WASF3: variants seen among roughly 807,000 people sequenced by gnomAD.
WASF3 encodes WASP family member 3, also known as actin-binding protein WASF3.
Under a neutral mutation model 46.6 loss-of-function variants are expected in WASF3, and 11 were observed. The ratio of observed to expected loss-of-function variants is 0.24; its 90% CI spans 0.15 to 0.39. The LOEUF is 0.39. Ranked by LOEUF, WASF3 falls within the 10% of genes least tolerant of loss-of-function variation. WASF3 has a pLI of 1.00. For synonymous variants in WASF3, 242 were observed against 259.7 expected (o/e 0.93, Z 0.65); for missense variants, 576 against 669.8 (o/e 0.86, Z 1.55).
chr13:26,579,175 GT>G (rs927966539), intron 1 of WASF3, among the ~76,000 whole-genome samples: 3 of 148,984 alleles, frequency 2.0e-5, no homozygotes, highest in South Asian at 2.2e-4. Flanking sequence ...AATTTTTTAA[GT>G]TTTTTTTTAA....
chr13:26,559,811 T>TCTTTCTTTCTTTCTTTCTTTCTTTCTTTC (rs545438991), intron 1 of WASF3, among the ~76,000 whole-genome samples: 1 of 83,212 alleles, frequency 1.2e-5, no homozygotes, highest in Non-Finnish European at 2.3e-5. Flanking sequence ...TTTCTTTCTT[T>TCTTTCTTTCTTTCTTTCTTTCTTTCTTTC]TTTTTTTTTT....
intron 1 of WASF3, among the ~76,000 whole-genome samples, chr13:26,565,166 T>G: frequency 7.6e-6 from 1 of 131,336 alleles, no homozygotes; most frequent in Admixed American, 8.3e-5. Context: ...GGCAAAAGAG[T>G]GAGACTCGGT....
intron 9 of WASF3, among the ~76,000 whole-genome samples, chr13:26,683,270 G>T (rs1354851990): frequency 2.6e-5 from 4 of 152,060 alleles, no homozygotes; most frequent in Non-Finnish European, 5.9e-5. Context: ...CCAGGAGTTT[G>T]AGAGCAGCCT....
chr13:26,670,355 G>C (rs570778546), intron 5 of WASF3, among the ~76,000 whole-genome samples: 1 of 151,966 alleles, frequency 6.6e-6, no homozygotes, highest in South Asian at 2.1e-4. Context: ...GGGGGGTGAG[G>C]GACAAGGGGG....
chr13:26,558,545 C>T (rs1274747188), intron 1 of WASF3, among the ~76,000 whole-genome samples: 2 of 149,658 alleles, frequency 1.3e-5, no homozygotes, highest in East Asian at 4.0e-4. Flanking sequence ...TTAGCGAGGG[C>T]AGAAGCTTCC....
intron 1 of WASF3, among the ~76,000 whole-genome samples, chr13:26,589,105 T>C (rs1008350875): frequency 1.3e-5 from 2 of 152,240 alleles, no homozygotes; most frequent in South Asian, 2.1e-4. Flanking sequence ...TGTATTTCTT[T>C]ATATTGCTTG....
chr13:26,586,421 A>G (rs572274042), intron 1 of WASF3, among the ~76,000 whole-genome samples: 1 of 152,188 alleles, frequency 6.6e-6, no homozygotes, highest in South Asian at 2.1e-4. Flanking sequence ...TTAAAATGTC[A>G]CATCCATCTT....
chr13:26,542,027 A>C, the WASF3 span, among the ~76,000 whole-genome samples: 1 of 152,218 alleles, frequency 6.6e-6, no homozygotes, highest in African/African-American at 2.4e-5. Flanking sequence ...GTACACATTA[A>C]GCACTTGAGC....
intron 1 of WASF3, among the ~76,000 whole-genome samples, chr13:26,562,294 A>G: frequency 6.6e-6 from 1 of 152,204 alleles, no homozygotes; most frequent in East Asian, 1.9e-4. Flanking sequence ...GATGGGGGTC[A>G]TGGTGTCCGA....
chr13:26,542,167 G>A, the WASF3 span, among the ~76,000 whole-genome samples: 1 of 152,350 alleles, frequency 6.6e-6, no homozygotes, highest in South Asian at 2.1e-4. Context: ...CTTCACAGAT[G>A]AAAGATGAAT....
intron 3 of WASF3, among the ~76,000 whole-genome samples, chr13:26,654,741 A>T (rs1258041574): frequency 6.6e-6 from 1 of 152,038 alleles, no homozygotes; most frequent in Admixed American, 6.6e-5. Flanking sequence ...TATCATGAGC[A>T]TGTGTTAGTT....
intron 1 of WASF3, among the ~76,000 whole-genome samples, chr13:26,596,545 T>C (rs1880469231): frequency 6.6e-6 from 1 of 152,220 alleles, no homozygotes; most frequent in Non-Finnish European, 1.5e-5. Context: ...CTCATTTTCC[T>C]CTGGTTGCTT....
In WASF3 at chr13:26,681,133, T is replaced by A; in HGVS notation, c.796T>A (p.Ser266Thr). The A allele has an allele frequency of 1.2e-6, 2 of 1,614,112 alleles. No homozygotes were observed. Among genetic ancestry groups the A allele is most frequent in the Non-Finnish European group, 1.7e-6 (2 of 1,180,010 alleles). ...HSLHPQPVTPSYAAGDVPPHG... is the reference protein window; with the variant it reads ...HSLHPQPVTPTYAAGDVPPHG... ...TCTGCACCCCCAGCCTGTGACCCCT[T>A]CCTATGCAGCTGGTGACGTGCCACC... is the stretch of plus-strand genomic sequence containing the variant. Residue 266 changes from serine to threonine, a missense_variant, in exon 8 of 10, where the codon TCC becomes ACC. By Grantham distance (58) the Ser-to-Thr change is moderately conservative. Coordinates refer to ENST00000335327, the MANE Select transcript of WASF3 (RefSeq NM_006646.6).
chr13:26,671,051 T>G (rs144112777), intron 5 of WASF3, among the ~76,000 whole-genome samples: 2 of 152,304 alleles, frequency 1.3e-5, no homozygotes, highest in African/African-American at 4.8e-5. Flanking sequence ...TGATATGAAG[T>G]AATATAAAAT....
At chr13:26,575,399 G>A (rs1879766637) in intron 1 of WASF3, among the ~76,000 whole-genome samples, 1 of 152,050 alleles carries the variant, frequency 6.6e-6, no homozygotes, top group African/African-American at 2.4e-5. Context: ...TTTGTGACCA[G>A]TCCTTTTGCT....
At chr13:26,548,574 A>G in the WASF3 span, among the ~76,000 whole-genome samples, 13 of 152,326 alleles carry the variant, frequency 8.5e-5, no homozygotes, top group South Asian at 2.1e-4. Context: ...TTTTCCCCAG[A>G]GAGCTGAGCC....
At chr13:26,665,751 C>G (rs1882751770) in intron 4 of WASF3, among the ~76,000 whole-genome samples, 1 of 152,116 alleles carries the variant, frequency 6.6e-6, no homozygotes, top group Non-Finnish European at 1.5e-5. Context: ...TTGTCAGTTT[C>G]AACAAAATTG....
At position 26,667,719 on chromosome 13, in the gene WASF3, TG is replaced by T. The variant is rs776269464; in HGVS notation, c.422+52del. The T allele has an allele frequency of 9.7e-5, 151 of 1,558,670 alleles. No individual in the cohort carries two copies. In the African/African-American group the frequency reaches 1.8e-3, roughly 19 times the overall value. ...CCTCTCCTTGAGATGAGGGGAGAGCTGGGCAGAGCTGGGAGCAAGCTGATGC... is the reference window on the plus strand; with the variant it reads ...CCTCTCCTTGAGATGAGGGGAGAGCTGGCAGAGCTGGGAGCAAGCTGATGC... On this transcript the variant is annotated intron_variant, in intron 5 of 9. Transcript: ENST00000335327.
At position 26,682,989 on chromosome 13, in the gene WASF3, C is replaced by T; in HGVS notation, c.1351+15C>T. ...TATTCGAATGGGTAAGTGGAGCCCC[C>T]AGACACACAGCCTGCCTTTCAGCAA... On this transcript the variant is annotated intron_variant, in intron 9 of 9. Coordinates refer to ENST00000335327, the MANE Select transcript of WASF3 (RefSeq NM_006646.6). This position sits in a 1 kb window ranked among gnomAD's most constrained non-coding sequence, Gnocchi z 4.4. 1 of 1,590,240 alleles carries T rather than the reference C, an allele frequency of 6.3e-7. No individual in the cohort carries two copies. The highest frequency in any genetic ancestry group is 2.2e-5 in the East Asian group (1 of 44,810).
Sources: allele counts gnomAD v4.1 joint callset (sites outside exome capture counted in the v4.1 genomes callset), GRCh38; gene constraint gnomAD v4.1.1; non-coding constraint Gnocchi (gnomAD v3.1); transcripts MANE v1.5; gene names NCBI Gene and HGNC (gene_info 2026-07-23, HGNC 2026-07-21).